SMCO2: variants seen among roughly 807,000 people sequenced by gnomAD.
The protein encoded by SMCO2 is single-pass membrane protein with coiled-coil domains 2, also known as single-pass membrane and coiled-coil domain-containing protein 2.
In SMCO2, 25 loss-of-function variants were observed where a neutral mutation model predicts 29.5. That is an observed-to-expected ratio of 0.85 (90% confidence interval 0.62 to 1.18). SMCO2 has a LOEUF of 1.18. Ranked by LOEUF, SMCO2 falls within the 50% of genes most tolerant of loss-of-function variation. The probability of loss-of-function intolerance (pLI) is 0.00; values close to 1 mark genes in which losing one functional copy is unlikely to be tolerated. For synonymous variants in SMCO2, 117 were observed against 123.3 expected (o/e 0.95, Z 0.34); for missense variants, 348 against 344.5 (o/e 1.01, Z -0.08).
chr12:27,466,935 A>G (rs919373111), exon 1 of SMCO2: 3 of 152,238 alleles, frequency 2.0e-5, no homozygotes, highest in Non-Finnish European at 4.4e-5. Context: ...ACTTACAGAT[A>G]TTTGGGATTA....
At chr12:27,429,588 C>T in the SMCO2 span, among the ~76,000 whole-genome samples, 5 of 151,872 alleles carry the variant, frequency 3.3e-5, no homozygotes, top group Non-Finnish European at 2.9e-5. Flanking sequence ...TCTAAGTATA[C>T]TTTTATTGTC....
At chr12:27,449,024 A>C in the SMCO2 span, among the ~76,000 whole-genome samples, 3,075 of 152,288 alleles carry the variant, frequency 0.02, 113 homozygotes, top group African/African-American at 0.071. Context: ...ATGTTGGCTC[A>C]AAAAGTTGAG....
intron 3 of SMCO2, chr12:27,473,252 TC>T (rs1334768904): frequency 5.0e-6 from 1 of 200,580 alleles, no homozygotes; most frequent in Non-Finnish European, 1.0e-5. Context: ...CCAGTAGAAT[TC>T]AGCTATTCAC....
the SMCO2 span, among the ~76,000 whole-genome samples, chr12:27,430,491 G>A: frequency 4.6e-5 from 7 of 151,998 alleles, no homozygotes; most frequent in African/African-American, 9.7e-5. Context: ...AGAATTGCTC[G>A]AACCCAGGAG....
At chr12:27,438,092 A>G in the SMCO2 span, among the ~76,000 whole-genome samples, 1 of 152,080 alleles carries the variant, frequency 6.6e-6, no homozygotes, top group Non-Finnish European at 1.5e-5. Context: ...GCTTCTCTTC[A>G]AGGTCACCAC....
chr12:27,431,845 G>T, the SMCO2 span, among the ~76,000 whole-genome samples: 1 of 151,876 alleles, frequency 6.6e-6, no homozygotes, highest in Non-Finnish European at 1.5e-5. Flanking sequence ...ACTGTTTTCC[G>T]TAGTGGTTGT....
the SMCO2 span, among the ~76,000 whole-genome samples, chr12:27,437,085 A>G: frequency 6.6e-6 from 1 of 152,194 alleles, no homozygotes; most frequent in Admixed American, 6.5e-5. Context: ...AAACATATAT[A>G]TGATGTAGAC....
chr12:27,431,138 C>T, the SMCO2 span, among the ~76,000 whole-genome samples: 1 of 152,038 alleles, frequency 6.6e-6, no homozygotes, highest in Non-Finnish European at 1.5e-5. Flanking sequence ...GCCTCAGCCT[C>T]CCTAGTAGCT....
chr12:27,495,720 G>T (rs1031519549), exon 7 of SMCO2: 1 of 1,531,394 alleles, frequency 6.5e-7, no homozygotes, highest in Non-Finnish European at 8.8e-7. Context: ...GCAAAGCTAA[G>T]GATGTATCAA....
the SMCO2 span, chr12:27,425,123 G>T: frequency 6.6e-6 from 1 of 152,038 alleles, no homozygotes; most frequent in Non-Finnish European, 1.5e-5. Flanking sequence ...CTTGAGTTTA[G>T]ATTTGTCTTT....
the SMCO2 span, among the ~76,000 whole-genome samples, chr12:27,459,791 C>G: frequency 6.6e-6 from 1 of 152,172 alleles, no homozygotes; most frequent in Admixed American, 6.5e-5. Context: ...CACCAGTGAG[C>G]AGGAGAAGGG....
intron 4 of SMCO2, among the ~76,000 whole-genome samples, chr12:27,479,719 G>A (rs373541): frequency 0.098 from 14,873 of 152,066 alleles, 1,611 homozygotes; most frequent in East Asian, 0.26. Flanking sequence ...AGATCTGATC[G>A]TTTTATAAAA....
chr12:27,485,020 T>C (rs1949677104), intron 4 of SMCO2, among the ~76,000 whole-genome samples: 1 of 151,714 alleles, frequency 6.6e-6, no homozygotes, highest in Non-Finnish European at 1.5e-5. Context: ...AGCCATTATT[T>C]CTTTAAACAT....
the SMCO2 span, among the ~76,000 whole-genome samples, chr12:27,432,188 A>G: frequency 5.3e-5 from 8 of 152,108 alleles, no homozygotes; most frequent in African/African-American, 1.9e-4. Flanking sequence ...TGATTTGCAA[A>G]TATTTTCTCA....
chr12:27,464,534 A>C (rs549549753), upstream of SMCO2, among the ~76,000 whole-genome samples: 5 of 151,348 alleles, frequency 3.3e-5, no homozygotes, highest in Non-Finnish European at 7.4e-5. Context: ...CATGGTGAGA[A>C]CCTGTCTCTA....
the SMCO2 span, among the ~76,000 whole-genome samples, chr12:27,448,793 G>A: frequency 6.6e-6 from 1 of 152,090 alleles, no homozygotes; most frequent in Non-Finnish European, 1.5e-5. Context: ...TAATTCACTC[G>A]GAGGTCACTC....
chr12:27,486,818 A>G (rs1021809764), intron 4 of SMCO2, among the ~76,000 whole-genome samples: 1 of 152,238 alleles, frequency 6.6e-6, no homozygotes, highest in African/African-American at 2.4e-5. Flanking sequence ...ACCAAAAACT[A>G]GAAGGTAAAT....
chr12:27,433,598 A>G, the SMCO2 span, among the ~76,000 whole-genome samples: 5 of 152,174 alleles, frequency 3.3e-5, no homozygotes, highest in Non-Finnish European at 7.3e-5. Flanking sequence ...GAGAAAGGAA[A>G]TTCTAAAACT....
chr12:27,490,921 G>A (rs887140704), intron 5 of SMCO2, among the ~76,000 whole-genome samples: 5 of 152,082 alleles, frequency 3.3e-5, no homozygotes, highest in Non-Finnish European at 5.9e-5. Flanking sequence ...CTGGGCAGCC[G>A]AGTGAGACAC....
Sources: gnomAD v4.1 joint callset for allele counts (sites outside exome capture counted in the v4.1 genomes callset) on GRCh38, gnomAD v4.1.1 for gene constraint, MANE v1.5 for transcripts, NCBI Gene and HGNC (gene_info 2026-07-23, HGNC 2026-07-21) for gene names.